Variants in UPP2 observed in about 807,000 individuals in gnomAD.
UPP2 encodes UPase 2.
UPP2 carries 23 observed loss-of-function variants against 26.7 expected under a neutral mutation model. The ratio of observed to expected loss-of-function variants is 0.86; its 90% CI spans 0.62 to 1.22. The LOEUF (loss-of-function observed/expected upper bound fraction) is 1.22. UPP2 is among the 50% of genes most tolerant of loss of function. The probability of loss-of-function intolerance (pLI) is 0.00; values close to 1 mark genes in which losing one functional copy is unlikely to be tolerated. For synonymous variants in UPP2, 127 were observed against 141.3 expected, an observed-to-expected ratio of 0.90 and a Z score of 0.72; for missense variants, 387 against 396.7, an observed-to-expected ratio of 0.98 and a Z score of 0.21.
chr2:158,124,621 G>A (rs187646746), intron 6 of UPP2, among the ~76,000 whole-genome samples: 2 of 152,336 alleles, frequency 1.3e-5, no homozygotes, highest in East Asian at 1.9e-4. Context: ...ACGAGAAGGC[G>A]AACGCAGTAG....
intron 3 of UPP2, among the ~76,000 whole-genome samples, chr2:158,038,115 C>T (rs959387178): frequency 2.0e-5 from 3 of 152,208 alleles, no homozygotes; most frequent in African/African-American, 7.2e-5. Flanking sequence ...TCATCAGTCT[C>T]CAGAACCATC....
chr2:158,129,586 TC>T (rs1400528262), intron 6 of UPP2, among the ~76,000 whole-genome samples: 1 of 151,574 alleles, frequency 6.6e-6, no homozygotes, highest in Non-Finnish European at 1.5e-5. Flanking sequence ...TCTCCACTAT[TC>T]CATAAGGTGC....
At chr2:158,058,510 G>C (rs73003302) in intron 3 of UPP2, among the ~76,000 whole-genome samples, 4,773 of 151,326 alleles carry the variant, frequency 0.032, 250 homozygotes, top group African/African-American at 0.11. Flanking sequence ...TCTCCTACAA[G>C]CTAGGAAGAC....
At chr2:158,100,760 T>C (rs982930001), upstream of UPP2, among the ~76,000 whole-genome samples, 2 of 152,234 alleles carry the variant, frequency 1.3e-5, no homozygotes, top group African/African-American at 4.8e-5. Context: ...TTTTTTGCTA[T>C]CTGGGCACAG....
At chr2:158,058,235 G>A (rs1356457740) in intron 3 of UPP2, among the ~76,000 whole-genome samples, 1 of 148,862 alleles carries the variant, frequency 6.7e-6, no homozygotes, top group Non-Finnish European at 1.5e-5. Flanking sequence ...GGAGCTTGCA[G>A]TGAGCCGAGA....
At chr2:158,064,725 T>TA (rs1279893643) in intron 3 of UPP2, among the ~76,000 whole-genome samples, 1 of 152,198 alleles carries the variant, frequency 6.6e-6, no homozygotes, top group Non-Finnish European at 1.5e-5. Context: ...TCCTAAGTCT[T>TA]ACGTTTAAGT....
At chr2:157,995,904 T>A (rs2105459054) in intron 2 of UPP2, among the ~76,000 whole-genome samples, 1 of 152,280 alleles carries the variant, frequency 6.6e-6, no homozygotes, top group South Asian at 2.1e-4. Context: ...ATCTGATTAT[T>A]TTCTTAAGCT....
At chr2:158,117,730 C>T in intron 3 of UPP2, 94 bp from the exon 4 acceptor site, 1 of 952,178 alleles carries the variant, frequency 1.1e-6, no homozygotes, top group South Asian at 1.5e-5. Flanking sequence ...GTAAATGTAT[C>T]TGAGGCCTGT....
At chr2:158,026,956 C>T (rs528761036) in intron 3 of UPP2, among the ~76,000 whole-genome samples, 22 of 152,220 alleles carry the variant, frequency 1.4e-4, no homozygotes, top group Non-Finnish European at 2.4e-4. Flanking sequence ...TTCGCTACTA[C>T]GAGAACAGTA....
At chr2:158,131,810 C>T (rs1277436980) in intron 6 of UPP2, among the ~76,000 whole-genome samples, 1 of 152,186 alleles carries the variant, frequency 6.6e-6, no homozygotes, top group Non-Finnish European at 1.5e-5. Flanking sequence ...TTTAATTGCT[C>T]ATGGAAATAG....
At chr2:158,101,843 A>C (rs1683081415), upstream of UPP2, 1 of 1,326,920 alleles carries the variant, frequency 7.5e-7, no homozygotes, top group Non-Finnish European at 9.6e-7. Context: ...GCTGTGGTAT[A>C]AAAGTCATGT....
intron 3 of UPP2, among the ~76,000 whole-genome samples, chr2:158,085,581 G>A (rs772607772): frequency 2.6e-5 from 4 of 152,140 alleles, no homozygotes; most frequent in Non-Finnish European, 5.9e-5. Flanking sequence ...TGTTTTGCCA[G>A]TTCTCAGAGA....
chr2:158,063,671 A>G (rs1682388941), intron 3 of UPP2, among the ~76,000 whole-genome samples: 2 of 151,926 alleles, frequency 1.3e-5, no homozygotes, highest in South Asian at 4.2e-4. Flanking sequence ...ATAGGTATAC[A>G]TGTGCTATGG....
chr2:158,054,110 A>C (rs976871566), intron 3 of UPP2, among the ~76,000 whole-genome samples: 13 of 152,286 alleles, frequency 8.5e-5, no homozygotes, highest in African/African-American at 2.9e-4. Flanking sequence ...GTCTCTACTA[A>C]AAATACAAAA....
intron 3 of UPP2, among the ~76,000 whole-genome samples, chr2:158,075,521 C>T (rs1157029808): frequency 6.6e-6 from 1 of 151,864 alleles, no homozygotes; most frequent in East Asian, 1.9e-4. Context: ...AACTAGAAAT[C>T]AATATCAAGT....
At chr2:158,104,189 G>A (rs1420359189) in intron 1 of UPP2, among the ~76,000 whole-genome samples, 1 of 152,154 alleles carries the variant, frequency 6.6e-6, no homozygotes, top group Non-Finnish European at 1.5e-5. Flanking sequence ...AATGTGAAAT[G>A]CTATCTACCA....
chr2:158,093,256 C>T (rs867555490), intron 3 of UPP2, among the ~76,000 whole-genome samples: 6 of 137,962 alleles, frequency 4.3e-5, no homozygotes, highest in South Asian at 2.4e-4. Context: ...TGTAGGAAGG[C>T]GGTAAAAAGA....
Position 158,121,633 on chromosome 2 carries a change from T to C in UPP2, c.664+15T>C. ...TTTTTATGAAGGTGAGAACAATTTA[T>C]AAACTGTGAAGGAAACAGAAAAATG... On this transcript the variant is annotated intron_variant, in intron 5 of 6. Coordinates refer to ENST00000005756, the MANE Select transcript of UPP2 (RefSeq NM_173355.4). 6.2e-7 allele frequency: 1 copy of C among 1,603,828 alleles called. No individual in the cohort carries two copies. Among genetic ancestry groups the C allele is most frequent in the East Asian group, 2.2e-5 (1 of 44,746 alleles).
intron 2 of UPP2, among the ~76,000 whole-genome samples, chr2:158,106,812 A>C (rs1683206647): frequency 6.6e-6 from 1 of 152,222 alleles, no homozygotes; most frequent in African/African-American, 2.4e-5. Flanking sequence ...AATACAAAAA[A>C]GAATATGATT....
Sources: gnomAD v4.1 joint callset for allele counts (sites outside exome capture counted in the v4.1 genomes callset) on GRCh38, gnomAD v4.1.1 for gene constraint, MANE v1.5 for transcripts, NCBI Gene and HGNC (gene_info 2026-07-23, HGNC 2026-07-21) for gene names.